The following UBE2G1 variants were observed in gnomAD, a reference collection of about 807,000 sequenced individuals.
UBE2G1 encodes the protein ubiquitin-conjugating enzyme E2 G1.
UBE2G1 carries 5 observed loss-of-function variants against 22.7 expected under a neutral mutation model. The observed-to-expected ratio is 0.22, with a 90% CI of 0.12 to 0.46. UBE2G1 has a LOEUF of 0.46. UBE2G1 is among the 20% of genes least tolerant of loss of function. The pLI is 0.99. For synonymous variants in UBE2G1, 74 were observed against 67.5 expected (o/e 1.10, Z -0.47); for missense variants, 88 against 203.9 (o/e 0.43, Z 3.46).
intron 3 of UBE2G1, among the ~76,000 whole-genome samples, chr17:4,290,374 T>C (rs1392492234): frequency 6.6e-6 from 1 of 152,244 alleles, no homozygotes; most frequent in Non-Finnish European, 1.5e-5. Context: ...TTTCTGCTGT[T>C]ATGAACTCTG....
intron 5 of UBE2G1, among the ~76,000 whole-genome samples, chr17:4,281,103 G>C (rs1357450313): frequency 6.6e-6 from 1 of 152,122 alleles, no homozygotes; most frequent in African/African-American, 2.4e-5. Flanking sequence ...CAGGAAACAA[G>C]GATAGCCACC....
chr17:4,279,785 T>TTATATATATATATATATATA (rs71144177), intron 5 of UBE2G1, among the ~76,000 whole-genome samples: 1 of 68,894 alleles, frequency 1.5e-5, no homozygotes, highest in Admixed American at 1.5e-4. Flanking sequence ...CAAAAAAAAG[T>TTATATATATATATATATATA]TATATATATA....
At chr17:4,301,741 T>A in intron 2 of UBE2G1, 1 of 648,180 alleles carries the variant, frequency 1.5e-6, no homozygotes, top group South Asian at 1.4e-5. Context: ...TGGTGGGGAG[T>A]GCTCAGCAGT....
chr17:4,336,761 G>A (rs771095830), intron 1 of UBE2G1, among the ~76,000 whole-genome samples: 16 of 151,974 alleles, frequency 1.1e-4, no homozygotes, highest in Non-Finnish European at 2.1e-4. Flanking sequence ...GTGAGCCACC[G>A]CACCCAGCCA....
intron 3 of UBE2G1, among the ~76,000 whole-genome samples, chr17:4,294,038 A>G (rs1598183320): frequency 6.6e-6 from 1 of 152,156 alleles, no homozygotes; most frequent in African/African-American, 2.4e-5. Context: ...TGTCATGACA[A>G]TATGTACAGC....
At chr17:4,277,213 G>A (rs907514951) in intron 5 of UBE2G1, among the ~76,000 whole-genome samples, 6 of 152,168 alleles carry the variant, frequency 3.9e-5, no homozygotes, top group Non-Finnish European at 7.3e-5. Flanking sequence ...GAACTCAGTC[G>A]TGCCTGGAAC....
At chr17:4,302,184 T>C (rs1343252827) in intron 2 of UBE2G1, 1 of 513,340 alleles carries the variant, frequency 1.9e-6, no homozygotes, top group African/African-American at 2.0e-5. Flanking sequence ...TACAGACAAA[T>C]TTGGATTTTC....
chr17:4,281,319 A>G (rs28460112), intron 5 of UBE2G1, among the ~76,000 whole-genome samples: 6,052 of 152,330 alleles, frequency 0.04, 444 homozygotes, highest in African/African-American at 0.14. Flanking sequence ...AACAGTTCAA[A>G]ATCATGAAAT....
chr17:4,312,890 G>GGTAAAA (rs1185276751), intron 1 of UBE2G1, among the ~76,000 whole-genome samples: 11 of 151,972 alleles, frequency 7.2e-5, no homozygotes, highest in Non-Finnish European at 1.5e-4. Flanking sequence ...TCAGTGTGAA[G>GGTAAAA]GTAAGGTGGA....
chr17:4,307,037 G>A lies in UBE2G1; in HGVS notation c.133C>T (p.Pro45Ser), dbSNP rs1207598139. The change falls in exon 2 of 6, where the codon CCT (proline) becomes TCT (serine). Residue 45 changes from proline to serine, a missense_variant. Physicochemically the swap from Pro to Ser is moderately conservative, Grantham distance 74. Coordinates refer to ENST00000396981, the MANE Select transcript of UBE2G1 (RefSeq NM_003342.5). ...TATACTTACTAAAGTGTATCTGGAG[G>A]GCCAATAATAAGGACTTCCCATCGG... ...LYRWEVLIIG[P>S]PDTLYEGGVF... 2 of 1,613,588 alleles carry A rather than the reference G, an allele frequency of 1.2e-6. No homozygotes were observed. Among genetic ancestry groups the A allele is most frequent in the South Asian group, 2.2e-5 (2 of 91,062 alleles).
At chr17:4,329,077 C>G (rs146153917) in intron 1 of UBE2G1, among the ~76,000 whole-genome samples, 37 of 142,032 alleles carry the variant, frequency 2.6e-4, no homozygotes, top group East Asian at 2.2e-3. Flanking sequence ...GCACTCCAGC[C>G]TGGGTGACAG....
At chr17:4,360,696 A>G (rs1454678238) in intron 1 of UBE2G1, among the ~76,000 whole-genome samples, 1 of 150,860 alleles carries the variant, frequency 6.6e-6, no homozygotes, top group Non-Finnish European at 1.5e-5. Context: ...CAGATCGCCT[A>G]AGACCGGGAG....
At chr17:4,295,599 T>C (rs1390651818) in intron 3 of UBE2G1, among the ~76,000 whole-genome samples, 1 of 152,192 alleles carries the variant, frequency 6.6e-6, no homozygotes, top group Non-Finnish European at 1.5e-5. Context: ...CAAATGCAAA[T>C]TAGTATAATA....
Position 4,307,095 on chromosome 17 carries a change from A to G in UBE2G1, c.75T>C (p.Phe25=), listed in dbSNP as rs956183770. ...AELNKNPVEG[F]SAGLIDDNDL... ...CATTGTCATCTATTAAACCTGCAGA[A>G]AAGCCTTCCACTGGATTTTTGTTGA... The change falls in exon 2 of 6, where the codon TTT becomes TTC. Residue 25 remains phenylalanine (F), a synonymous_variant. Transcript: ENST00000396981. The G allele has an allele frequency of 3.1e-6, 5 of 1,614,036 alleles. No homozygotes were observed. The highest frequency in any genetic ancestry group is 4.2e-6 in the Non-Finnish European group (5 of 1,179,930).
intron 4 of UBE2G1, among the ~76,000 whole-genome samples, chr17:4,287,901 C>T (rs933468285): frequency 3.3e-5 from 5 of 151,712 alleles, no homozygotes; most frequent in African/African-American, 7.3e-5. Context: ...AGGATAGGGG[C>T]GTGGCAGCTA....
At chr17:4,348,385 C>G (rs1473078568) in intron 1 of UBE2G1, among the ~76,000 whole-genome samples, 1 of 150,288 alleles carries the variant, frequency 6.7e-6, no homozygotes, top group African/African-American at 2.5e-5. Context: ...AACCCCGTCT[C>G]TACTAAAAAT....
chr17:4,282,757 C>T lies in UBE2G1; in HGVS notation c.*37+41G>A, dbSNP rs1968910454. 17 of 1,371,236 alleles carry T rather than the reference C, an allele frequency of 1.2e-5. 1 individual carries two copies. In the South Asian group the frequency reaches 2.1e-4, roughly 17 times the overall value. 84.9% of individuals were successfully genotyped at this position (1,371,236 alleles called of 1,614,324 possible). ...ACAATTTCCAAAAACTAATAGGATACTTACAAAAAAACAAAAGTATGATAT... is the reference window on the plus strand; with the variant it reads ...ACAATTTCCAAAAACTAATAGGATATTTACAAAAAAACAAAAGTATGATAT... On this transcript the variant is annotated intron_variant, in intron 5 of 5. Coordinates refer to ENST00000396981, the MANE Select transcript of UBE2G1 (RefSeq NM_003342.5).
intron 2 of UBE2G1, among the ~76,000 whole-genome samples, chr17:4,300,850 G>A (rs1969169096): frequency 6.6e-6 from 1 of 151,360 alleles, no homozygotes; most frequent in South Asian, 2.1e-4. Context: ...CATAATCCCA[G>A]CTACTCAGGA....
chr17:4,300,345 A>G (rs1969162358), intron 2 of UBE2G1, among the ~76,000 whole-genome samples: 1 of 150,650 alleles, frequency 6.6e-6, no homozygotes, highest in African/African-American at 2.4e-5. Flanking sequence ...GAGTTCGAAA[A>G]CAACCTGACC....
Sources: gnomAD v4.1 joint callset for allele counts (sites outside exome capture counted in the v4.1 genomes callset) on GRCh38, gnomAD v4.1.1 for gene constraint, MANE v1.5 for transcripts, NCBI Gene and HGNC (gene_info 2026-07-23, HGNC 2026-07-21) for gene names.